DPF1: variants seen among roughly 807,000 people sequenced by gnomAD.
DPF1 encodes zinc finger protein neuro-d4.
DPF1 carries 14 observed loss-of-function variants against 58.7 expected under a neutral mutation model. That is an observed-to-expected ratio of 0.24 (90% CI 0.16 to 0.37). The LOEUF (loss-of-function observed/expected upper bound fraction) is 0.37. Ranked by LOEUF, DPF1 falls within the 10% of genes least tolerant of loss-of-function variation. The probability of loss-of-function intolerance (pLI) is 1.00; values close to 1 mark genes in which losing one functional copy is unlikely to be tolerated. For synonymous variants in DPF1, 216 were observed against 216.0 expected, an observed-to-expected ratio of 1.00 and a Z score of 0.00; for missense variants, 345 against 529.9, an observed-to-expected ratio of 0.65 and a Z score of 3.43.
In DPF1 at chr19:38,224,196, C is replaced by A. The variant is rs756148953; in HGVS notation, c.-54G>T. The A allele has an allele frequency of 2.2e-6, 3 of 1,385,128 alleles. No individual in the cohort carries two copies. The highest frequency in any genetic ancestry group is 1.9e-6 in the Non-Finnish European group (2 of 1,069,790). The allele number at this position is 1,385,128 out of a possible 1,614,324, so 85.8% of individuals were successfully genotyped here. A position where few individuals can be genotyped will look rare whatever the true frequency, so the allele number is the denominator to read the frequency against. ...GTCCCCGCCGGGTCGGTCCTCCCAG[C>A]GGTCGGGCGGGCGCTGAGGCCGCCC... is the stretch of plus-strand genomic sequence containing the variant. On this transcript the variant is annotated 5_prime_UTR_variant, in exon 1 of 12. Transcript: ENST00000355526. The surrounding 1 kb of genome is among the most constrained non-coding windows in gnomAD (Gnocchi z 4.5).
In DPF1 at chr19:38,217,787, G is replaced by C. The variant is rs1163422778; in HGVS notation, c.595+11C>G. The C allele has an allele frequency of 6.2e-7, 1 of 1,614,018 alleles. No individual in the cohort carries two copies. Among genetic ancestry groups the C allele is most frequent in the Admixed American group, 1.7e-5 (1 of 59,996 alleles). Reference sequence around the variant, plus strand: ...CTCTCTCTGCCTTTCCCCCTCTTCAGAAGGACTCACTATCACAGACATACG... The same window carrying C: ...CTCTCTCTGCCTTTCCCCCTCTTCACAAGGACTCACTATCACAGACATACG... On this transcript the variant is annotated intron_variant, in intron 6 of 11. Coordinates refer to ENST00000355526, the MANE Select transcript of DPF1 (RefSeq NM_001135155.3).
intron 3 of DPF1, among the ~76,000 whole-genome samples, chr19:38,220,890 C>T (rs1265101364): frequency 2.0e-5 from 3 of 152,088 alleles, no homozygotes; most frequent in African/African-American, 4.8e-5. Flanking sequence ...CCGAGGATCC[C>T]GATATTCCTA....
chr19:38,215,320 C>T (rs928039836), intron 9 of DPF1, among the ~76,000 whole-genome samples: 3 of 151,574 alleles, frequency 2.0e-5, no homozygotes, highest in Admixed American at 1.3e-4. Flanking sequence ...GTGAAACCCC[C>T]GTCTCTACTA....
chr19:38,218,502 C>T, intron 5 of DPF1, 71 bp downstream of exon 5: 1 of 1,505,588 alleles, frequency 6.6e-7, no homozygotes, highest in South Asian at 1.1e-5. Flanking sequence ...AGGGGCGGAC[C>T]ACTGCACCTG....
chr19:38,218,005 C>T (rs1013941875), intron 5 of DPF1, 129 bp from the exon 6 acceptor site: 5 of 844,572 alleles, frequency 5.9e-6, no homozygotes, highest in Non-Finnish European at 9.4e-6. Context: ...AGATCGAGAC[C>T]ACCTTGGCCA....
chr19:38,220,261 A>AAAGG (rs1600267382), intron 3 of DPF1, among the ~76,000 whole-genome samples: 1 of 151,176 alleles, frequency 6.6e-6, no homozygotes, highest in South Asian at 2.1e-4. Flanking sequence ...AGAAAGAAAG[A>AAAGG]AAGGAAGGAA....
At chr19:38,226,436 T>C (rs1391070329), upstream of DPF1, among the ~76,000 whole-genome samples, 2 of 150,860 alleles carry the variant, frequency 1.3e-5, no homozygotes, top group Non-Finnish European at 2.9e-5. Context: ...GCCTTCACCA[T>C]TTTTGTCACT....
In DPF1 at chr19:38,216,183, C is replaced by G. The variant is rs750603393; in HGVS notation, c.855G>C (p.Gly285=). 9 of 1,614,110 alleles carry G rather than the reference C, an allele frequency of 5.6e-6. No homozygotes were observed. The African/African-American group carries it at 6.7e-5, about 12-fold the overall frequency. Residue 285 remains glycine (G), a synonymous_variant, in exon 9 of 12, where the codon GGG becomes GGC. Coordinates refer to ENST00000355526, the MANE Select transcript of DPF1 (RefSeq NM_001135155.3). ...CACAGGAGATGAGGTCCTCGGGACA[C>G]CCCGTCTTCTTGGAGCCCCCCAGGC... is the stretch of plus-strand genomic sequence containing the variant. ...DFCLGGSKKT[G]CPEDLISCAD...
At chr19:38,221,343 GC>G (rs1200783748) in intron 3 of DPF1, among the ~76,000 whole-genome samples, 4 of 152,078 alleles carry the variant, frequency 2.6e-5, no homozygotes, top group Non-Finnish European at 5.9e-5. Context: ...TTCGAGACCA[GC>G]CTGGCCAACA....
Position 38,222,431 on chromosome 19 carries a change from G to C in DPF1, c.224C>G (p.Ala75Gly). ...TCTCCGTTTCTTCCTCCAACAGCGGGCGGGGTACGTGTAAATCTGTCCCGG... is the reference window on the plus strand; with the variant it reads ...TCTCCGTTTCTTCCTCCAACAGCGGCCGGGGTACGTGTAAATCTGTCCCGG... Reference protein sequence around the residue: ...LAPGQIYTYPARCWRKKRRLN... With the variant: ...LAPGQIYTYPGRCWRKKRRLN... The change falls in exon 3 of 12, where the codon GCC becomes GGC. Residue 75 changes from alanine to glycine, a missense_variant. Physicochemically the swap from Ala to Gly is moderately conservative, Grantham distance 60. Transcript: ENST00000355526. This position sits in a 1 kb window ranked among gnomAD's most constrained non-coding sequence, Gnocchi z 4.9. The C allele has an allele frequency of 6.3e-7, 1 of 1,586,816 alleles. No individual in the cohort carries two copies. The highest frequency in any genetic ancestry group is 8.5e-7 in the Non-Finnish European group (1 of 1,172,598).
chr19:38,223,119 G>T (rs1967629901), intron 1 of DPF1: 1 of 184,710 alleles, frequency 5.4e-6, no homozygotes, highest in Non-Finnish European at 1.1e-5. Flanking sequence ...TACTGAAAAA[G>T]ACAAATATCC....
chr19:38,222,760 G>C lies in DPF1; in HGVS notation c.30-52C>G, dbSNP rs774204362. ...GCTGTCAGCAAGGGCAGGCGCACAGGGTCGCCCAGCACCCCTTCCCCGGCT... is the reference window on the plus strand; with the variant it reads ...GCTGTCAGCAAGGGCAGGCGCACAGCGTCGCCCAGCACCCCTTCCCCGGCT... On this transcript the variant is annotated intron_variant, in intron 1 of 11. Transcript: ENST00000355526. This position sits in a 1 kb window ranked among gnomAD's most constrained non-coding sequence, Gnocchi z 4.9. 6.7e-7 allele frequency: 1 copy of C among 1,496,682 alleles called. No individual in the cohort carries two copies. Among genetic ancestry groups the C allele is most frequent in the Non-Finnish European group, 8.9e-7 (1 of 1,121,742 alleles). 92.7% of individuals were successfully genotyped at this position (1,496,682 alleles called of 1,614,324 possible). A position where few individuals can be genotyped will look rare whatever the true frequency, so the allele number is the denominator to read the frequency against.
chr19:38,211,838 T>G lies in DPF1; in HGVS notation c.*225A>C. On this transcript the variant is annotated 3_prime_UTR_variant, in exon 12 of 12. Coordinates refer to ENST00000355526, the MANE Select transcript of DPF1 (RefSeq NM_001135155.3). The surrounding 1 kb of genome is among the most constrained non-coding windows in gnomAD (Gnocchi z 4.0). ...AGGGGAGAAGCCCCTGGTGTCCATT[T>G]GCCAAGGGACAGAGAGGGAGGGAGG... is the stretch of plus-strand genomic sequence containing the variant. 1.8e-6 allele frequency: 1 copy of G among 563,656 alleles called. No individual in the cohort carries two copies. Among genetic ancestry groups the G allele is most frequent in the Non-Finnish European group, 3.1e-6 (1 of 322,456 alleles). The allele number at this position is 563,656 out of a possible 1,614,324, so 34.9% of individuals were successfully genotyped here.
chr19:38,215,994 A>C, intron 9 of DPF1, 146 bp downstream of exon 9: 1 of 1,374,576 alleles, frequency 7.3e-7, no homozygotes, highest in Non-Finnish European at 9.7e-7. Context: ...CAGTTGCATC[A>C]GCCTCGCTAG....
In DPF1 at chr19:38,224,011, G is replaced by GC. The variant is rs1045501137; in HGVS notation, c.29+102dup. 132 of 1,345,958 alleles carry GC rather than the reference G, an allele frequency of 9.8e-5. No individual in the cohort carries two copies. Among genetic ancestry groups the GC allele is most frequent in the Non-Finnish European group, 1.2e-4 (129 of 1,045,524 alleles). 83.4% of individuals were successfully genotyped at this position (1,345,958 alleles called of 1,614,324 possible). A position where few individuals can be genotyped will look rare whatever the true frequency, so the allele number is the denominator to read the frequency against. On this transcript the variant is annotated intron_variant, in intron 1 of 11. Transcript: ENST00000355526. The surrounding 1 kb of genome is among the most constrained non-coding windows in gnomAD (Gnocchi z 4.5). ...CCGCGCAGCCCCGCACTCGGTGACA[G>GC]CCCCCCAGACACCCCTTCGGCCCCA...
At chr19:38,226,132 C>G (rs534972421), upstream of DPF1, among the ~76,000 whole-genome samples, 140 of 152,120 alleles carry the variant, frequency 9.2e-4, no homozygotes, top group African/African-American at 3.4e-3. Context: ...ACCTCCTTCT[C>G]TCTCCCACTG....
At chr19:38,226,503 T>TACACACACACAC (rs60328056), upstream of DPF1, among the ~76,000 whole-genome samples, 6,180 of 133,492 alleles carry the variant, frequency 0.046, 166 homozygotes, top group Middle Eastern at 0.079. Flanking sequence ...CGGTCACTTC[T>TACACACACACAC]ACACACACAC....
chr19:38,213,806 T>G (rs756138572), intron 9 of DPF1, 50 bp from the exon 10 acceptor site: 44 of 1,493,388 alleles, frequency 2.9e-5, no homozygotes, highest in Admixed American at 6.9e-5. Context: ...GTGCCCCTGG[T>G]GGGCACTGAC....
upstream of DPF1, chr19:38,224,371 G>C (rs923375842): frequency 4.7e-6 from 5 of 1,074,386 alleles, no homozygotes; most frequent in African/African-American, 6.6e-5. The surrounding 1 kb of genome is among the most constrained non-coding windows in gnomAD (Gnocchi z 4.5). Flanking sequence ...GGAGGGGCCC[G>C]GGGCACGCAC....
Sources: gnomAD v4.1 joint callset for allele counts (sites outside exome capture counted in the v4.1 genomes callset) on GRCh38, gnomAD v4.1.1 for gene constraint, Gnocchi (gnomAD v3.1) non-coding constraint, MANE v1.5 for transcripts, NCBI Gene and HGNC (gene_info 2026-07-23, HGNC 2026-07-21) for gene names.